The following EIPR1 variants were observed in gnomAD, a reference collection of about 807,000 sequenced individuals.
EIPR1 encodes the protein EARP complex and GARP complex interacting protein 1.
A neutral mutation model predicts 48.1 loss-of-function variants in EIPR1; 25 were observed. The ratio of observed to expected loss-of-function variants is 0.52; its 90% CI spans 0.38 to 0.73. EIPR1 has a LOEUF of 0.73. Among genes scored for constraint, EIPR1 ranks in the 30% least tolerant of loss-of-function variants. The probability of loss-of-function intolerance (pLI) is 0.00; values close to 1 mark genes in which losing one functional copy is unlikely to be tolerated. For synonymous variants in EIPR1, 204 were observed against 201.9 expected (o/e 1.01, Z -0.09); for missense variants, 415 against 506.2 (o/e 0.82, Z 1.73).
At chr2:3,225,817 T>C (rs1032487158) in intron 4 of EIPR1, among the ~76,000 whole-genome samples, 2 of 152,182 alleles carry the variant, frequency 1.3e-5, no homozygotes, top group Non-Finnish European at 2.9e-5. Flanking sequence ...CCCACCAGCC[T>C]CTGGTAACCA....
chr2:3,338,132 A>C lies in EIPR1; in HGVS notation c.144T>G (p.Phe48Leu), dbSNP rs1460133391. 1.9e-6 allele frequency: 3 copies of C among 1,610,362 alleles called. No individual in the cohort carries two copies. The highest frequency in any genetic ancestry group is 2.5e-6 in the Non-Finnish European group (3 of 1,179,316). Residue 48 changes from phenylalanine (F) to leucine (L), a missense_variant, in exon 3 of 9, where the codon TTT becomes TTG. Physicochemically the swap from Phe to Leu is conservative, Grantham distance 22 (BLOSUM62 0). Transcript: ENST00000382125. Reference protein sequence around the residue: ...KYDNQIHIIDFDDENNIINKN... With the variant: ...KYDNQIHIIDLDDENNIINKN... ...TATTTATAATGTTGTTTTCATCGTC[A>C]AAATCTATGATATGGATCTACAAAT...
chr2:3,377,096 G>A (rs547731733), intron 1 of EIPR1, among the ~76,000 whole-genome samples: 20 of 152,324 alleles, frequency 1.3e-4, no homozygotes, highest in African/African-American at 4.1e-4. Context: ...AAAAACTAGT[G>A]TGAAAACAGT....
chr2:3,267,296 C>G (rs1050666658), intron 3 of EIPR1, among the ~76,000 whole-genome samples: 1 of 152,238 alleles, frequency 6.6e-6, no homozygotes, highest in Non-Finnish European at 1.5e-5. Context: ...GGGACATTCC[C>G]TCACCTGTGA....
chr2:3,317,655 T>C (rs930087633), intron 3 of EIPR1, among the ~76,000 whole-genome samples: 2 of 152,186 alleles, frequency 1.3e-5, no homozygotes, highest in Non-Finnish European at 2.9e-5. Flanking sequence ...CCCCGCCTAA[T>C]TCATACACTG....
In EIPR1 at chr2:3,218,235, G is replaced by A. The variant is rs567087086; in HGVS notation, c.417-3987C>T. 7.7e-3 allele frequency among the ~76,000 whole-genome samples: 1,137 copies of A among 147,378 alleles called. 21 individuals carry two copies. The highest frequency in any genetic ancestry group is 0.016 in the Middle Eastern group (4 of 256). ...AGTGAGTCAGGTGCACACTCAACAC[G>A]ACCCTGATATGCTCTAGAGCGTTCA... On this transcript the variant is annotated intron_variant, in intron 4 of 8. Coordinates refer to ENST00000382125, the MANE Select transcript of EIPR1 (RefSeq NM_003310.5).
intron 5 of EIPR1, among the ~76,000 whole-genome samples, chr2:3,201,250 GC>G (rs1665024928): frequency 6.6e-6 from 1 of 152,162 alleles, no homozygotes; most frequent in Non-Finnish European, 1.5e-5. Flanking sequence ...CCAAAGATGA[GC>G]CAACCCTTAG....
At chr2:3,326,729 T>C (rs1178636688) in intron 3 of EIPR1, among the ~76,000 whole-genome samples, 4 of 152,206 alleles carry the variant, frequency 2.6e-5, no homozygotes, top group African/African-American at 4.8e-5. Flanking sequence ...AGCTGCTCAG[T>C]TGTCATTCTC....
chr2:3,190,435 A>C (rs1327411453), intron 8 of EIPR1, among the ~76,000 whole-genome samples: 4 of 152,232 alleles, frequency 2.6e-5, no homozygotes, highest in African/African-American at 9.6e-5. Flanking sequence ...TGGACCTGCC[A>C]GTGGTCAACT....
intron 5 of EIPR1, among the ~76,000 whole-genome samples, chr2:3,204,675 G>A (rs919855158): frequency 2.0e-5 from 3 of 152,186 alleles, no homozygotes; most frequent in Non-Finnish European, 4.4e-5. Context: ...GCCTGGCATC[G>A]TCTTTAGCAG....
chr2:3,205,434 T>G (rs1179076104), intron 5 of EIPR1, among the ~76,000 whole-genome samples: 1 of 152,048 alleles, frequency 6.6e-6, no homozygotes, highest in Non-Finnish European at 1.5e-5. Flanking sequence ...GCAGCTGCCT[T>G]GCAGTCATGA....
At position 3,249,872 on chromosome 2, in the gene EIPR1, A is replaced by G. The variant is rs559339822; in HGVS notation, c.416+7427T>C. On this transcript the variant is annotated intron_variant, in intron 4 of 8. Coordinates refer to ENST00000382125, the MANE Select transcript of EIPR1 (RefSeq NM_003310.5). ...TACAGTTCCGGCAGGTGCAAGCTAT[A>G]TGCCCTGGCAACTTCCACATGGTGC... Among the ~76,000 whole-genome samples, 15 of 152,352 alleles carry G rather than the reference A, an allele frequency of 9.8e-5. No individual in the cohort carries two copies. The East Asian group carries it at 1.2e-3, about 12-fold the overall frequency.
At chr2:3,220,348 T>G (rs1435493373) in intron 4 of EIPR1, among the ~76,000 whole-genome samples, 1 of 145,028 alleles carries the variant, frequency 6.9e-6, no homozygotes, top group Non-Finnish European at 1.5e-5. Flanking sequence ...ACAATGGCCA[T>G]GGTACATTTT....
chr2:3,369,739 G>C (rs543898581), intron 1 of EIPR1, among the ~76,000 whole-genome samples: 1 of 152,228 alleles, frequency 6.6e-6, no homozygotes, highest in Non-Finnish European at 1.5e-5. Flanking sequence ...CGGGAAGCTC[G>C]AACTGGGTGG....
intron 2 of EIPR1, among the ~76,000 whole-genome samples, 182 bp downstream of exon 2, chr2:3,354,368 G>A (rs1460589353): frequency 6.6e-6 from 1 of 152,236 alleles, no homozygotes; most frequent in Non-Finnish European, 1.5e-5. Flanking sequence ...ACTGAACACA[G>A]TCGATACATA....
In EIPR1 at chr2:3,217,477, T is replaced by C. The variant is rs542607138; in HGVS notation, c.417-3229A>G. ...CGTAAAACTCAAGAAAGTAACCCCATACAATTGCAATCTGTCAATTAACAA... is the reference window on the plus strand; with the variant it reads ...CGTAAAACTCAAGAAAGTAACCCCACACAATTGCAATCTGTCAATTAACAA... On this transcript the variant is annotated intron_variant, in intron 4 of 8. Coordinates refer to ENST00000382125, the MANE Select transcript of EIPR1 (RefSeq NM_003310.5). Among the ~76,000 whole-genome samples the C allele has an allele frequency of 4.6e-5, 7 of 152,336 alleles. No homozygotes were observed. The South Asian group carries it at 1.5e-3, about 32-fold the overall frequency.
At chr2:3,294,584 CACAT>C in intron 3 of EIPR1, among the ~76,000 whole-genome samples, 2 of 143,322 alleles carry the variant, frequency 1.4e-5, no homozygotes, top group African/African-American at 2.6e-5. Context: ...ATCCTCTGCA[CACAT>C]ACACCCTCCA....
chr2:3,261,777 T>C (rs1329942935), intron 3 of EIPR1: 5 of 152,198 alleles, frequency 3.3e-5, no homozygotes, highest in African/African-American at 4.8e-5. Context: ...TAAGGTCAAA[T>C]GGGATTGACA....
At chr2:3,351,390 G>A (rs1670574647) in intron 2 of EIPR1, among the ~76,000 whole-genome samples, 1 of 152,116 alleles carries the variant, frequency 6.6e-6, no homozygotes, top group Admixed American at 6.5e-5. Context: ...CTACATTCTG[G>A]CTAAGAGCAG....
chr2:3,322,952 G>A (rs560059844), intron 3 of EIPR1, among the ~76,000 whole-genome samples: 134 of 152,310 alleles, frequency 8.8e-4, no homozygotes, highest in African/African-American at 3.0e-3. Context: ...TACGTGCGAG[G>A]TGTCCCTGTC....
Sources: allele counts gnomAD v4.1 joint callset (sites outside exome capture counted in the v4.1 genomes callset), GRCh38; gene constraint gnomAD v4.1.1; transcripts MANE v1.5; gene names NCBI Gene and HGNC (gene_info 2026-07-23, HGNC 2026-07-21).